Variants in PLCG2 observed in about 807,000 individuals in gnomAD.
PLCG2 encodes the protein 1-phosphatidylinositol 4,5-bisphosphate phosphodiesterase gamma-2.
A neutral mutation model predicts 175.6 loss-of-function variants in PLCG2; 69 were observed. The observed-to-expected ratio is 0.39, with a 90% CI of 0.32 to 0.48. PLCG2 has a LOEUF of 0.48. PLCG2 is among the 20% of genes least tolerant of loss of function. The pLI is 0.91. For synonymous variants in PLCG2, 827 were observed against 624.0 expected (o/e 1.33, Z -4.85); for missense variants, 1,798 against 1,650.9 (o/e 1.09, Z -1.54).
intron 6 of PLCG2, among the ~76,000 whole-genome samples, chr16:81,869,611 A>C (rs999286731): frequency 1.3e-5 from 2 of 152,130 alleles, no homozygotes; most frequent in Admixed American, 6.5e-5. Flanking sequence ...TTTTTTCCCT[A>C]GTGAAATGAA....
At chr16:81,772,302 G>A (rs1245982097) in intron 2 of PLCG2, among the ~76,000 whole-genome samples, 2 of 152,128 alleles carry the variant, frequency 1.3e-5, no homozygotes, top group Non-Finnish European at 2.9e-5. Flanking sequence ...CACAGAACCC[G>A]GGAGAAAGGC....
intron 17 of PLCG2, 127 bp from the exon 18 acceptor site, chr16:81,910,393 C>CT: frequency 1.2e-6 from 1 of 812,520 alleles, no homozygotes; most frequent in Non-Finnish European, 2.0e-6. Flanking sequence ...GCCCAGCCTC[C>CT]TGTGTCTGTT....
In PLCG2 at chr16:81,753,083, C is replaced by T. The variant is rs571951019; in HGVS notation, c.-144-2787C>T. Reference sequence around the variant, plus strand: ...CTCAGTCTGAGCTGTCCAGGGTGCCCCACCAGCTTCTGCTGAGGATGGCCA... The same window carrying T: ...CTCAGTCTGAGCTGTCCAGGGTGCCTCACCAGCTTCTGCTGAGGATGGCCA... On this transcript the variant is annotated intron_variant, in intron 1 of 5. Transcript: ENST00000565054. 1.0e-3 allele frequency among the ~76,000 whole-genome samples: 159 copies of T among 152,330 alleles called. 2 individuals are homozygous for T. Among genetic ancestry groups the T allele is most frequent in the Non-Finnish European group, 4.0e-4 (27 of 68,026 alleles).
At chr16:81,917,481 A>G (rs577332962) in intron 19 of PLCG2, among the ~76,000 whole-genome samples, 47 of 152,058 alleles carry the variant, frequency 3.1e-4, no homozygotes, top group Admixed American at 8.5e-4. Flanking sequence ...ACTGTTTTCC[A>G]TAGTGGCTAT....
At chr16:81,859,189 A>T (rs1597358490) in intron 5 of PLCG2, 26 bp downstream of exon 5, 1 of 1,492,912 alleles carries the variant, frequency 6.7e-7, no homozygotes, top group East Asian at 2.3e-5. Flanking sequence ...TTTTTTTCTG[A>T]TCACTTTGGA....
At chr16:81,843,926 T>G (rs1053051183) in intron 2 of PLCG2, among the ~76,000 whole-genome samples, 3 of 152,136 alleles carry the variant, frequency 2.0e-5, no homozygotes, top group African/African-American at 7.2e-5. Flanking sequence ...CTTTTCTGTT[T>G]CTGTTTCCTT....
At chr16:81,845,233 T>A (rs867133643) in intron 2 of PLCG2, among the ~76,000 whole-genome samples, 1 of 152,216 alleles carries the variant, frequency 6.6e-6, no homozygotes, top group African/African-American at 2.4e-5. Flanking sequence ...GAGCCATTGT[T>A]CCCTGTCCCG....
chr16:81,858,363 G>C lies in PLCG2; in HGVS notation c.431+7G>C. ...CGCCCACCATTATCGAGAGGTAGTT[G>C]GCTTTTGCCTGTTGATTTGCGTAGT... is the stretch of plus-strand genomic sequence containing the variant. On this transcript the variant is annotated splice_region_variant and intron_variant, in intron 4 of 32. Transcript: ENST00000564138. 1 of 1,604,454 alleles carries C rather than the reference G, an allele frequency of 6.2e-7. No individual in the cohort carries two copies.
chr16:81,831,664 G>T (rs1436688315), intron 2 of PLCG2, among the ~76,000 whole-genome samples: 1 of 152,160 alleles, frequency 6.6e-6, no homozygotes, highest in Admixed American at 6.5e-5. Flanking sequence ...TTTGTACCCC[G>T]AGTGGGACTC....
chr16:81,757,823 C>T (rs1019897245), intron 2 of PLCG2, among the ~76,000 whole-genome samples: 1 of 152,014 alleles, frequency 6.6e-6, no homozygotes, highest in Non-Finnish European at 1.5e-5. Flanking sequence ...CCCTATACCC[C>T]CTTCCCCCAC....
chr16:81,829,399 G>A (rs946493845), intron 2 of PLCG2, among the ~76,000 whole-genome samples: 11 of 152,224 alleles, frequency 7.2e-5, no homozygotes, highest in Admixed American at 7.2e-4. Flanking sequence ...GTGAGCCACC[G>A]TGCCTAGCCA....
chr16:81,851,142 G>T (rs1189007403), intron 2 of PLCG2, among the ~76,000 whole-genome samples: 1 of 151,936 alleles, frequency 6.6e-6, no homozygotes, highest in African/African-American at 2.4e-5. Flanking sequence ...CTAATAATAG[G>T]GCCACCCATA....
intron 2 of PLCG2, among the ~76,000 whole-genome samples, chr16:81,806,901 G>A (rs1425719578): frequency 1.3e-5 from 2 of 152,006 alleles, no homozygotes; most frequent in Non-Finnish European, 2.9e-5. Context: ...TGGGGAGGAA[G>A]CAGGGGTCAC....
chr16:81,897,770 C>T, intron 13 of PLCG2: 1 of 450,260 alleles, frequency 2.2e-6, no homozygotes, highest in Middle Eastern at 3.3e-4. Flanking sequence ...GTCTTGAACT[C>T]ATGACCTCAG....
chr16:81,826,556 C>T (rs919295225), intron 2 of PLCG2, among the ~76,000 whole-genome samples: 1 of 152,226 alleles, frequency 6.6e-6, no homozygotes, highest in African/African-American at 2.4e-5. Context: ...CTTAGAATAA[C>T]ACATGTTCAG....
In PLCG2 at chr16:81,938,031, C is replaced by T. The variant is rs563360804; in HGVS notation, c.3198+128C>T. On this transcript the variant is annotated intron_variant, in intron 28 of 32. Coordinates refer to ENST00000564138, the MANE Select transcript of PLCG2 (RefSeq NM_002661.5). The stretch of plus-strand genomic sequence containing the variant: ...TTGTCTTGTTTAAACGATCCCCATT[C>T]AGGCAGTGTTTGAGGATCTTTCTTT... 31 of 776,012 alleles carry T rather than the reference C, an allele frequency of 4.0e-5. 1 individual carries two copies. In the South Asian group the frequency reaches 5.4e-4, roughly 13 times the overall value. 48.1% of individuals were successfully genotyped at this position (776,012 alleles called of 1,614,324 possible). A position where few individuals can be genotyped will look rare whatever the true frequency, so the allele number is the denominator to read the frequency against.
chr16:81,808,751 C>G (rs560513343), intron 2 of PLCG2, among the ~76,000 whole-genome samples: 1 of 152,308 alleles, frequency 6.6e-6, no homozygotes, highest in South Asian at 2.1e-4. Flanking sequence ...CCTCTGCCTC[C>G]CAAAGTGCTG....
intron 5 of PLCG2, among the ~76,000 whole-genome samples, chr16:81,868,370 A>ATT (rs35806969): frequency 5.3e-5 from 8 of 151,722 alleles, no homozygotes; most frequent in Non-Finnish European, 8.8e-5. Context: ...AGAAACCTTT[A>ATT]TTTTTTTACT....
intron 30 of PLCG2, among the ~76,000 whole-genome samples, chr16:81,943,360 C>A (rs974954066): frequency 6.6e-6 from 1 of 152,140 alleles, no homozygotes; most frequent in African/African-American, 2.4e-5. Flanking sequence ...ACATGGCCAG[C>A]AGGAGGAAAA....
Sources: allele counts gnomAD v4.1 joint callset (sites outside exome capture counted in the v4.1 genomes callset), GRCh38; gene constraint gnomAD v4.1.1; transcripts MANE v1.5; gene names NCBI Gene and HGNC (gene_info 2026-07-23, HGNC 2026-07-21).